The following SLC49A4 variants were observed in gnomAD, a reference collection of about 807,000 sequenced individuals.
SLC49A4 encodes the protein solute carrier family 49 member 4.
In SLC49A4, 36 loss-of-function variants were observed where a neutral mutation model predicts 50.6. The observed-to-expected ratio is 0.71, with a 90% confidence interval of 0.55 to 0.94. The LOEUF (loss-of-function observed/expected upper bound fraction) is 0.94. SLC49A4 is among the 40% of genes least tolerant of loss of function. The pLI, the probability that SLC49A4 is intolerant of heterozygous loss-of-function variation, is 0.00. For missense variants in SLC49A4, 503 were observed against 605.7 expected, an observed-to-expected ratio of 0.83 and a Z score of 1.78; for synonymous variants, 248 against 241.2, an observed-to-expected ratio of 1.03 and a Z score of -0.26.
chr3:122,805,573 C>A (rs1334152626), intron 1 of SLC49A4, among the ~76,000 whole-genome samples: 1 of 152,134 alleles, frequency 6.6e-6, no homozygotes, highest in African/African-American at 2.4e-5. Context: ...GAAGTGGTTT[C>A]AAGGTGATGT....
chr3:122,872,581 C>T lies in SLC49A4; in HGVS notation c.1305C>T (p.Leu435=). The change falls in exon 8 of 9, where the codon CTC becomes CTT. Residue 435 remains leucine, a synonymous_variant. Coordinates refer to ENST00000261038, the MANE Select transcript of SLC49A4 (RefSeq NM_032839.3). The part of the protein sequence containing the change: ...NMFMGVLLFF[L]TFYHTELSWF... ...TTATGGGAGTACTTTTATTTTTTCT[C>T]ACATTTTATCATACAGGTAAGAAAT... 1 of 1,580,724 alleles carries T rather than the reference C, an allele frequency of 6.3e-7. No individual in the cohort carries two copies. Among genetic ancestry groups the T allele is most frequent in the Non-Finnish European group, 8.6e-7 (1 of 1,159,620 alleles).
At chr3:122,824,306 A>G (rs1239873172) in intron 2 of SLC49A4, among the ~76,000 whole-genome samples, 1 of 152,200 alleles carries the variant, frequency 6.6e-6, no homozygotes, top group Non-Finnish European at 1.5e-5. Flanking sequence ...CCCTGGTGCT[A>G]TTCCTTCTTT....
At chr3:122,846,410 T>TA (rs748925869) in intron 5 of SLC49A4, among the ~76,000 whole-genome samples, 5,633 of 146,280 alleles carry the variant, frequency 0.039, 133 homozygotes, top group Middle Eastern at 0.081. Flanking sequence ...ATTGTATGAG[T>TA]AAAAAAAAAA....
At chr3:122,804,072 A>G (rs1202685046) in intron 1 of SLC49A4, among the ~76,000 whole-genome samples, 1 of 152,160 alleles carries the variant, frequency 6.6e-6, no homozygotes, top group Non-Finnish European at 1.5e-5. Flanking sequence ...AAGAGGTTTC[A>G]TTGGCTCATG....
chr3:122,827,987 C>T (rs1432252835), intron 3 of SLC49A4, among the ~76,000 whole-genome samples: 10 of 152,108 alleles, frequency 6.6e-5, no homozygotes, highest in African/African-American at 2.4e-4. Flanking sequence ...TGAGAGAGCT[C>T]AGTATGTCTA....
chr3:122,846,945 C>G (rs1000327664), intron 5 of SLC49A4, among the ~76,000 whole-genome samples: 2 of 152,130 alleles, frequency 1.3e-5, no homozygotes, highest in African/African-American at 4.8e-5. Flanking sequence ...AAATGGGCTG[C>G]ACATATAAAG....
intron 2 of SLC49A4, among the ~76,000 whole-genome samples, chr3:122,825,713 A>G (rs1322027151): frequency 1.1e-5 from 1 of 94,416 alleles, no homozygotes; most frequent in Admixed American, 9.4e-5. Flanking sequence ...AGTTCATATC[A>G]TGAAATGTCA....
intron 6 of SLC49A4, among the ~76,000 whole-genome samples, chr3:122,856,836 CAAA>C (rs11375250): frequency 4.2e-5 from 3 of 71,054 alleles, no homozygotes; most frequent in Admixed American, 1.6e-4. Flanking sequence ...GACTCCATCT[CAAA>C]AAAAAAAAAA....
At chr3:122,810,143 T>C (rs1416233647) in intron 2 of SLC49A4, among the ~76,000 whole-genome samples, 1 of 152,194 alleles carries the variant, frequency 6.6e-6, no homozygotes, top group South Asian at 2.1e-4. Flanking sequence ...ATGGCTCCCC[T>C]GCACCCTTGA....
chr3:122,846,506 C>T (rs1381084601), intron 5 of SLC49A4, among the ~76,000 whole-genome samples: 1 of 152,184 alleles, frequency 6.6e-6, no homozygotes, highest in African/African-American at 2.4e-5. Context: ...TATTAACACT[C>T]TCTTACATGT....
rs533738886 is a variant in SLC49A4, at chr3:122,858,388, A to T, written c.1011-1687A>T. 3.3e-5 allele frequency among the ~76,000 whole-genome samples: 5 copies of T among 152,324 alleles called. No individual in the cohort carries two copies. The South Asian group carries it at 8.3e-4, about 25-fold the overall frequency. On this transcript the variant is annotated intron_variant, in intron 6 of 8. Transcript: ENST00000261038. The stretch of plus-strand genomic sequence containing the variant: ...AGTTTATGCAGCATACCAAAATGTA[A>T]ATCTGAAAACTGTTAGGTAAGCGTG...
In SLC49A4 at chr3:122,864,794, A is replaced by G. The variant is rs146084388; in HGVS notation, c.1138+4592A>G. Among the ~76,000 whole-genome samples the G allele has an allele frequency of 1.9e-3, 293 of 152,334 alleles. 1 individual carries two copies. The highest frequency in any genetic ancestry group is 6.4e-3 in the African/African-American group (266 of 41,590). On this transcript the variant is annotated intron_variant, in intron 7 of 8. Coordinates refer to ENST00000261038, the MANE Select transcript of SLC49A4 (RefSeq NM_032839.3). ...TTTGGGAGGCCAAGGCAATAGGATC[A>G]CTTGAGGCCAGGAGTTTGAGATCAG...
intron 8 of SLC49A4, among the ~76,000 whole-genome samples, chr3:122,877,788 C>CAT (rs1937284211): frequency 6.6e-6 from 1 of 151,778 alleles, no homozygotes; most frequent in Non-Finnish European, 1.5e-5. Context: ...GTTATATAGT[C>CAT]AAAAGCAGAA....
At chr3:122,816,429 A>G (rs1198770545) in intron 2 of SLC49A4, among the ~76,000 whole-genome samples, 1 of 152,154 alleles carries the variant, frequency 6.6e-6, no homozygotes, top group Non-Finnish European at 1.5e-5. Flanking sequence ...ATCCCAGGTC[A>G]TCACAAGCAG....
chr3:122,878,709 C>T (rs1379719270), intron 8 of SLC49A4, among the ~76,000 whole-genome samples: 1 of 152,134 alleles, frequency 6.6e-6, no homozygotes, highest in African/African-American at 2.4e-5. Flanking sequence ...AGTGATCTCT[C>T]TGGGGACAGA....
In SLC49A4 at chr3:122,862,419, T is replaced by C. The variant is rs999053012; in HGVS notation, c.1138+2217T>C. On this transcript the variant is annotated intron_variant, in intron 7 of 8. Transcript: ENST00000261038. Reference sequence around the variant, plus strand: ...GCCTGGAAAACCCAGTTGTCCAAAGTAATAATTAGATACAGAGTAAAATAC... The same window carrying C: ...GCCTGGAAAACCCAGTTGTCCAAAGCAATAATTAGATACAGAGTAAAATAC... Among the ~76,000 whole-genome samples, 57 of 152,226 alleles carry C rather than the reference T, an allele frequency of 3.7e-4. 1 individual carries two copies. Among genetic ancestry groups the C allele is most frequent in the Non-Finnish European group, 1.9e-4 (13 of 68,032 alleles).
intron 7 of SLC49A4, among the ~76,000 whole-genome samples, chr3:122,870,237 G>T (rs1937179886): frequency 6.6e-6 from 1 of 151,912 alleles, no homozygotes; most frequent in Non-Finnish European, 1.5e-5. Context: ...TTAAGAGCTT[G>T]ATTTCTTTCC....
intron 4 of SLC49A4, among the ~76,000 whole-genome samples, chr3:122,842,138 A>G (rs1270194037): frequency 2.0e-5 from 3 of 152,196 alleles, no homozygotes; most frequent in African/African-American, 7.2e-5. Flanking sequence ...ATTTTGGACT[A>G]TTCTTTAGGA....
At chr3:122,864,478 G>A (rs1195848308) in intron 7 of SLC49A4, among the ~76,000 whole-genome samples, 5 of 152,182 alleles carry the variant, frequency 3.3e-5, no homozygotes, top group African/African-American at 1.2e-4. Context: ...AAAAATGTTA[G>A]CACTTTGTTG....
Sources: gnomAD v4.1 joint callset for allele counts (sites outside exome capture counted in the v4.1 genomes callset) on GRCh38, gnomAD v4.1.1 for gene constraint, MANE v1.5 for transcripts, NCBI Gene and HGNC (gene_info 2026-07-23, HGNC 2026-07-21) for gene names.